The following C8orf34 variants were observed in gnomAD, a reference collection of about 807,000 sequenced individuals.
C8orf34 encodes the protein chromosome 8 open reading frame 34.
In C8orf34, 65 loss-of-function variants were observed where a neutral mutation model predicts 68.3. The ratio of observed to expected loss-of-function variants is 0.95; its 90% CI spans 0.78 to 1.17. The LOEUF (loss-of-function observed/expected upper bound fraction) is 1.17, where lower values mean the gene tolerates loss of function less well. Ranked by LOEUF, C8orf34 falls within the 50% of genes most tolerant of loss-of-function variation. The pLI is 0.00. For missense variants in C8orf34, 664 were observed against 655.4 expected (o/e 1.01, Z -0.14); for synonymous variants, 244 against 241.2 (o/e 1.01, Z -0.11).
At chr8:68,772,753 C>A (rs1185753020) in intron 10 of C8orf34, among the ~76,000 whole-genome samples, 2 of 133,876 alleles carry the variant, frequency 1.5e-5, no homozygotes, top group Admixed American at 1.6e-4. Context: ...CTCTTTCTCT[C>A]CTTCCTTCTT....
At chr8:68,536,358 CAAAAAAAAAA>C (rs10696903) in intron 7 of C8orf34, among the ~76,000 whole-genome samples, 1 of 49,226 alleles carries the variant, frequency 2.0e-5, no homozygotes, top group African/African-American at 8.3e-5. Context: ...GACCCTATCT[CAAAAAAAAAA>C]AAAAAAAAAA....
chr8:68,625,349 TTTTAGGAAA>T, intron 7 of C8orf34: 1 of 436,842 alleles, frequency 2.3e-6, no homozygotes, highest in African/African-American at 2.0e-5. Context: ...AAATACTCAC[TTTTAGGAAA>T]TTCAAAATAT....
chr8:68,673,345 A>C (rs1255650999), intron 8 of C8orf34, among the ~76,000 whole-genome samples: 1 of 151,992 alleles, frequency 6.6e-6, no homozygotes, highest in Non-Finnish European at 1.5e-5. Flanking sequence ...GGGGTCCACA[A>C]TTCCAGGCGT....
chr8:68,742,644 T>C (rs913497355), intron 10 of C8orf34, among the ~76,000 whole-genome samples: 3 of 152,220 alleles, frequency 2.0e-5, no homozygotes, highest in African/African-American at 7.2e-5. Context: ...CATTTTTCAA[T>C]GGCAAACAAA....
intron 8 of C8orf34, among the ~76,000 whole-genome samples, chr8:68,683,803 C>T (rs890106239): frequency 6.6e-6 from 1 of 152,026 alleles, no homozygotes; most frequent in African/African-American, 2.4e-5. Context: ...ATATTTTTCA[C>T]ATTCAAATCA....
chr8:68,611,918 C>T (rs1818035694), intron 7 of C8orf34, among the ~76,000 whole-genome samples: 1 of 152,098 alleles, frequency 6.6e-6, no homozygotes, highest in Admixed American at 6.6e-5. Flanking sequence ...AAGAGAAAAG[C>T]TTTGTTTTTC....
intron 1 of C8orf34, among the ~76,000 whole-genome samples, chr8:68,409,401 G>A (rs1198417189): frequency 1.3e-5 from 2 of 152,084 alleles, no homozygotes; most frequent in Non-Finnish European, 2.9e-5. Flanking sequence ...CTGACCCTGT[G>A]TAGGCCTAGG....
At chr8:68,645,883 A>G (rs141003274) in intron 8 of C8orf34, among the ~76,000 whole-genome samples, 1,841 of 152,262 alleles carry the variant, frequency 0.012, 37 homozygotes, top group African/African-American at 0.043. Flanking sequence ...TGCTACCCTA[A>G]ATAGGGCGCT....
At chr8:68,743,801 T>A (rs540015114) in intron 10 of C8orf34, among the ~76,000 whole-genome samples, 18 of 152,224 alleles carry the variant, frequency 1.2e-4, no homozygotes, top group African/African-American at 4.3e-4. Flanking sequence ...GCAGCAAGGC[T>A]GGGGGAGGGG....
chr8:68,485,216 G>A (rs972099365), intron 4 of C8orf34, among the ~76,000 whole-genome samples: 3 of 152,142 alleles, frequency 2.0e-5, no homozygotes, highest in Non-Finnish European at 4.4e-5. Flanking sequence ...CACACATTTT[G>A]ACTATTCACA....
At chr8:68,441,638 A>T (rs1211946249) in intron 2 of C8orf34, among the ~76,000 whole-genome samples, 1 of 152,182 alleles carries the variant, frequency 6.6e-6, no homozygotes. Context: ...TGCTGGGATT[A>T]CAGTTGTGAA....
chr8:68,749,045 T>A (rs1054082879), intron 10 of C8orf34, among the ~76,000 whole-genome samples: 2 of 152,070 alleles, frequency 1.3e-5, no homozygotes, highest in African/African-American at 4.8e-5. Flanking sequence ...CACCATGGAA[T>A]ACTATGCAGC....
At chr8:68,545,318 G>A (rs1815838893) in intron 7 of C8orf34, among the ~76,000 whole-genome samples, 1 of 152,112 alleles carries the variant, frequency 6.6e-6, no homozygotes, top group Non-Finnish European at 1.5e-5. Flanking sequence ...CTTCCTCCAT[G>A]ATTGTGAGGC....
At chr8:68,520,474 G>A (rs986439219) in intron 5 of C8orf34, among the ~76,000 whole-genome samples, 2 of 151,788 alleles carry the variant, frequency 1.3e-5, no homozygotes, top group Admixed American at 1.3e-4. Flanking sequence ...TTTTTAAGAC[G>A]CAGTCTTGCT....
intron 7 of C8orf34, among the ~76,000 whole-genome samples, chr8:68,579,606 C>T (rs1817002676): frequency 1.3e-5 from 2 of 152,282 alleles, no homozygotes; most frequent in East Asian, 1.9e-4. Context: ...ATGTTCCCTA[C>T]CTTCCTATTC....
intron 8 of C8orf34, among the ~76,000 whole-genome samples, chr8:68,671,796 T>G (rs376342612): frequency 6.6e-6 from 1 of 152,188 alleles, no homozygotes; most frequent in Non-Finnish European, 1.5e-5. Flanking sequence ...AAAACTAATA[T>G]AAGTCAATAT....
intron 1 of C8orf34, among the ~76,000 whole-genome samples, chr8:68,343,209 A>G (rs1806144329): frequency 6.6e-6 from 1 of 152,232 alleles, no homozygotes; most frequent in Non-Finnish European, 1.5e-5. Context: ...GCACATGAAA[A>G]GATGTTCAAA....
intron 7 of C8orf34, among the ~76,000 whole-genome samples, chr8:68,579,837 C>A (rs185765078): frequency 1.5e-3 from 223 of 152,228 alleles, no homozygotes; most frequent in African/African-American, 4.9e-3. Context: ...TAACAGTCAT[C>A]GTTAAATGAG....
chr8:68,687,954 C>T (rs1820570250), intron 8 of C8orf34, among the ~76,000 whole-genome samples: 3 of 151,846 alleles, frequency 2.0e-5, no homozygotes, highest in Admixed American at 1.3e-4. Context: ...ATAATTCCAT[C>T]AAAAAGTGGG....
Sources: allele counts gnomAD v4.1 joint callset (sites outside exome capture counted in the v4.1 genomes callset), GRCh38; gene constraint gnomAD v4.1.1; transcripts MANE v1.5; gene names NCBI Gene and HGNC (gene_info 2026-07-23, HGNC 2026-07-21).